SPINK5: variants seen among roughly 807,000 people sequenced by gnomAD.
SPINK5 encodes serine protease inhibitor Kazal-type 5.
A neutral mutation model predicts 151.8 loss-of-function variants in SPINK5; 125 were observed. The observed-to-expected ratio is 0.82, with a 90% CI of 0.71 to 0.96. The LOEUF is 0.96. SPINK5 is among the 40% of genes least tolerant of loss of function. The pLI is 0.00. For synonymous variants in SPINK5, 374 were observed against 395.3 expected, an observed-to-expected ratio of 0.95 and a Z score of 0.64; for missense variants, 1,194 against 1,291.9, an observed-to-expected ratio of 0.92 and a Z score of 1.16.
chr5:148,089,698 T>C, intron 7 of SPINK5, 77 bp downstream of exon 7: 1 of 1,602,718 alleles, frequency 6.2e-7, no homozygotes, highest in South Asian at 1.1e-5. Flanking sequence ...AGCAGAGAGA[T>C]AAAATCCTTT....
rs566317214 is a variant in SPINK5, at chr5:148,135,036, G to A, written c.3186+1149G>A. ...CATTAGCAGCTGAAAGCAATGTAGA[G>A]GAAGCCGAGGACTGGAATGAAATCA... On this transcript the variant is annotated intron_variant, in intron 32 of 32. Transcript: ENST00000256084. 1.2e-3 allele frequency among the ~76,000 whole-genome samples: 182 copies of A among 152,182 alleles called. 2 individuals are homozygous for A. In the Middle Eastern group the frequency reaches 0.017, roughly 14 times the overall value.
At chr5:148,109,360 T>C (rs1030524787) in intron 18 of SPINK5, among the ~76,000 whole-genome samples, 2 of 152,088 alleles carry the variant, frequency 1.3e-5, no homozygotes, top group Non-Finnish European at 2.9e-5. Context: ...TAAAGTTTTA[T>C]GACTGATATT....
intron 10 of SPINK5, among the ~76,000 whole-genome samples, chr5:148,097,276 CA>C (rs1307631659): frequency 6.6e-6 from 1 of 151,928 alleles, no homozygotes; most frequent in East Asian, 1.9e-4. Context: ...AAGTAATATC[CA>C]AATTCCTTTC....
At chr5:148,090,231 G>A (rs943672338) in intron 7 of SPINK5, among the ~76,000 whole-genome samples, 5 of 151,782 alleles carry the variant, frequency 3.3e-5, no homozygotes, top group Admixed American at 6.6e-5. Flanking sequence ...TCTAATTCAC[G>A]TGCCAGCAAA....
chr5:148,080,947 TA>T (rs1219707473), intron 4 of SPINK5, among the ~76,000 whole-genome samples: 2 of 151,556 alleles, frequency 1.3e-5, no homozygotes, highest in Non-Finnish European at 3.0e-5. Context: ...AACCTTATTA[TA>T]AGGAGACAAT....
intron 10 of SPINK5, 37 bp from the exon 11 acceptor site, chr5:148,097,830 A>G: frequency 1.3e-6 from 2 of 1,573,858 alleles, no homozygotes; most frequent in Non-Finnish European, 1.7e-6. Flanking sequence ...CATAGAAAAC[A>G]GAACTATATC....
chr5:148,095,765 T>G, intron 9 of SPINK5, 53 bp from the exon 10 acceptor site: 1 of 1,475,778 alleles, frequency 6.8e-7, no homozygotes, highest in Non-Finnish European at 9.5e-7. Context: ...TAATGACTGT[T>G]TTGTAACATG....
chr5:148,107,345 A>G (rs979829159), intron 17 of SPINK5, among the ~76,000 whole-genome samples, 181 bp downstream of exon 17: 1 of 152,220 alleles, frequency 6.6e-6, no homozygotes, highest in Non-Finnish European at 1.5e-5. Flanking sequence ...TATTTATTCA[A>G]TTATCCTTCT....
chr5:148,127,700 A>C (rs1754467490), intron 30 of SPINK5, among the ~76,000 whole-genome samples: 1 of 151,984 alleles, frequency 6.6e-6, no homozygotes, highest in Admixed American at 6.6e-5. Flanking sequence ...AAACTTACAA[A>C]AAAAAAAATT....
chr5:148,134,280 T>C (rs1036934817), intron 32 of SPINK5, among the ~76,000 whole-genome samples: 2 of 152,184 alleles, frequency 1.3e-5, no homozygotes, highest in Non-Finnish European at 2.9e-5. Context: ...TCTTGAACTT[T>C]ACATTGTATT....
chr5:148,090,774 C>A, intron 7 of SPINK5: 2 of 199,612 alleles, frequency 1.0e-5, no homozygotes, highest in East Asian at 2.5e-4. Flanking sequence ...CTTGTCACAG[C>A]ATTATTTTAA....
rs1431744993 is a variant in SPINK5 at position 148,101,823 on chromosome 5, C to A, written c.1345C>A (p.Leu449Ile). ...CCGCAAATCCAGGAAAAACGGACGGCTTTTTTGCACCAGAGAGAATGACCC... is the reference window on the plus strand; with the variant it reads ...CCGCAAATCCAGGAAAAACGGACGGATTTTTTGCACCAGAGAGAATGACCC... ...EYRKSRKNGR[L>I]FCTRENDPIQ... Residue 449 changes from leucine (L) to isoleucine (I), a missense_variant, in exon 15 of 33, where the codon CTT (leucine) becomes ATT (isoleucine). Coordinates refer to ENST00000256084, the MANE Select transcript of SPINK5 (RefSeq NM_006846.4). 5.0e-6 allele frequency: 8 copies of A among 1,613,690 alleles called. No individual in the cohort carries two copies. In the East Asian group the frequency reaches 1.1e-4, roughly 22 times the overall value.
chr5:148,111,470 T>A (rs1686351835), intron 18 of SPINK5, among the ~76,000 whole-genome samples: 1 of 152,214 alleles, frequency 6.6e-6, no homozygotes, highest in Non-Finnish European at 1.5e-5. Context: ...TATTATTCTG[T>A]ATACCACAGA....
intron 2 of SPINK5, among the ~76,000 whole-genome samples, chr5:148,067,087 A>G (rs576157956): frequency 6.6e-6 from 1 of 152,366 alleles, no homozygotes; most frequent in African/African-American, 2.4e-5. Flanking sequence ...AACAGCAGGG[A>G]AAAGCACTGC....
intron 4 of SPINK5, among the ~76,000 whole-genome samples, chr5:148,073,814 TCACACACACACA>T (rs67549762): frequency 0.018 from 2,004 of 113,796 alleles, 71 homozygotes; most frequent in African/African-American, 0.061. Flanking sequence ...TATGCCTGAG[TCACACACACACA>T]CACACACACA....
At chr5:148,110,082 T>C (rs2113151782) in intron 18 of SPINK5, among the ~76,000 whole-genome samples, 1 of 152,232 alleles carries the variant, frequency 6.6e-6, no homozygotes, top group Non-Finnish European at 1.5e-5. Flanking sequence ...AAATCCTTGC[T>C]TCATTTCCCT....
At chr5:148,112,386 C>G (rs1753958949) in intron 19 of SPINK5, among the ~76,000 whole-genome samples, 1 of 152,070 alleles carries the variant, frequency 6.6e-6, no homozygotes, top group Non-Finnish European at 1.5e-5. Flanking sequence ...ACCTTAAGAA[C>G]AAGAACGGCT....
chr5:148,092,937 A>G (rs1753350630), intron 8 of SPINK5, among the ~76,000 whole-genome samples: 1 of 151,970 alleles, frequency 6.6e-6, no homozygotes, highest in Non-Finnish European at 1.5e-5. Flanking sequence ...CCTACAGAGC[A>G]TCTGTTCCAA....
chr5:148,133,836 G>T lies in SPINK5; in HGVS notation c.3135G>T (p.Lys1045Asn), dbSNP rs1754631835. ...QTNTHIRSTGKCEESSTPGTT... is the reference protein window; with the variant it reads ...QTNTHIRSTGNCEESSTPGTT... ...ATACACACATCCGCAGTACAGGGAA[G>T]TGTGAGGAGAGCAGCACCCCAGGAA... Residue 1045 changes from lysine (K) to asparagine (N), a missense_variant, in exon 32 of 33, where the codon AAG (lysine) becomes AAT (asparagine). By Grantham distance (94) the Lys-to-Asn change is moderately conservative. Transcript: ENST00000256084. The T allele has an allele frequency of 6.2e-7, 1 of 1,614,084 alleles. No homozygotes were observed. Among genetic ancestry groups the T allele is most frequent in the Non-Finnish European group, 8.5e-7 (1 of 1,179,978 alleles).
Sources: allele counts gnomAD v4.1 joint callset (sites outside exome capture counted in the v4.1 genomes callset), GRCh38; gene constraint gnomAD v4.1.1; transcripts MANE v1.5; gene names NCBI Gene and HGNC (gene_info 2026-07-23, HGNC 2026-07-21).